KIF21B: variants seen among roughly 807,000 people sequenced by gnomAD.
The protein encoded by KIF21B is kinesin-like protein KIF21B.
In KIF21B, 85 loss-of-function variants were observed where a neutral mutation model predicts 192.9. The observed-to-expected ratio is 0.44, with a 90% CI of 0.37 to 0.53. KIF21B has a LOEUF of 0.53. Among genes scored for constraint, KIF21B ranks in the 20% least tolerant of loss-of-function variants. The pLI is 0.00. For synonymous variants in KIF21B, 832 were observed against 884.6 expected (o/e 0.94, Z 1.05); for missense variants, 1,716 against 2,194.8 (o/e 0.78, Z 4.36).
intron 28 of KIF21B, among the ~76,000 whole-genome samples, chr1:200,981,767 G>A (rs990452024): frequency 2.0e-5 from 3 of 152,154 alleles, no homozygotes; most frequent in Non-Finnish European, 4.4e-5. Flanking sequence ...GAGGTTTGGG[G>A]CTCTCTGGAA....
intron 26 of KIF21B, 64 bp from the exon 27 acceptor site, chr1:200,985,036 T>C: frequency 8.2e-7 from 1 of 1,214,670 alleles, no homozygotes; most frequent in South Asian, 1.4e-5. Flanking sequence ...CCCTACTTGG[T>C]GCTGGGCTTC....
chr1:201,023,289 G>A lies in KIF21B; in HGVS notation c.41+54C>T, dbSNP rs1046944667. On this transcript the variant is annotated intron_variant, in intron 1 of 34. Coordinates refer to ENST00000461742, the MANE Select transcript of KIF21B (RefSeq NM_001252102.2). The surrounding 1 kb of genome is among the most constrained non-coding windows in gnomAD (Gnocchi z 5.9). Reference sequence around the variant, plus strand: ...CGCGCCCCCCGCCCAAAGCCCACGCGAGACAAAGCCCGAGGCTTCTCCGCG... The same window carrying A: ...CGCGCCCCCCGCCCAAAGCCCACGCAAGACAAAGCCCGAGGCTTCTCCGCG... 14 of 1,462,508 alleles carry A rather than the reference G, an allele frequency of 9.6e-6. No individual in the cohort carries two copies. In the South Asian group the frequency reaches 1.6e-4, roughly 17 times the overall value. The allele number at this position is 1,462,508 out of a possible 1,614,324, so 90.6% of individuals were successfully genotyped here. A position where few individuals can be genotyped will look rare whatever the true frequency, so the allele number is the denominator to read the frequency against.
intron 27 of KIF21B, among the ~76,000 whole-genome samples, chr1:200,984,277 T>C (rs1326974194): frequency 2.6e-5 from 4 of 152,232 alleles, no homozygotes; most frequent in South Asian, 2.1e-4. Flanking sequence ...GGTTGTTTCA[T>C]AGCCTAATGA....
In KIF21B at chr1:200,973,228, G is replaced by A. The variant is rs1170033564; in HGVS notation, c.*293C>T. On this transcript the variant is annotated 3_prime_UTR_variant, in exon 35 of 35. Coordinates refer to ENST00000461742, the MANE Select transcript of KIF21B (RefSeq NM_001252102.2). ...GAAAGGGGCAGAGCCGGTTCAGCAG[G>A]AGACAATGTGGCCACGACTGCCAGG... 5.5e-6 allele frequency: 2 copies of A among 361,668 alleles called. No individual in the cohort carries two copies. Among genetic ancestry groups the A allele is most frequent in the Non-Finnish European group, 9.8e-6 (2 of 204,604 alleles). The allele number at this position is 361,668 out of a possible 1,614,324, so 22.4% of individuals were successfully genotyped here. A position where few individuals can be genotyped will look rare whatever the true frequency, so the allele number is the denominator to read the frequency against.
intron 1 of KIF21B, among the ~76,000 whole-genome samples, chr1:201,019,284 A>C (rs1464873532): frequency 2.0e-5 from 3 of 152,044 alleles, no homozygotes; most frequent in Non-Finnish European, 4.4e-5. Flanking sequence ...ATTCCTCAGG[A>C]ATCTACTCTG....
intron 1 of KIF21B, among the ~76,000 whole-genome samples, chr1:201,013,137 A>G (rs1658328184): frequency 6.6e-6 from 1 of 152,050 alleles, no homozygotes; most frequent in African/African-American, 2.4e-5. Context: ...CTCACTCTTT[A>G]CCACACCCTG....
In KIF21B at chr1:200,999,514, C is replaced by T. The variant is rs1490127247; in HGVS notation, c.1768-48G>A. 2.5e-6 allele frequency: 4 copies of T among 1,595,652 alleles called. No individual in the cohort carries two copies. The Admixed American group carries it at 6.8e-5, about 27-fold the overall frequency. On this transcript the variant is annotated intron_variant, in intron 12 of 34. Transcript: ENST00000461742. This position sits in a 1 kb window ranked among gnomAD's most constrained non-coding sequence, Gnocchi z 4.7. Reference sequence around the variant, plus strand: ...GTGGGCCTGGCCTCAGAGAGGGGAGCCCAGAAGCAGAGGTGCATCCCGACA... The same window carrying T: ...GTGGGCCTGGCCTCAGAGAGGGGAGTCCAGAAGCAGAGGTGCATCCCGACA...
chr1:200,991,189 G>A lies in KIF21B; in HGVS notation c.2455-40C>T, dbSNP rs1018654146. On this transcript the variant is annotated intron_variant, in intron 17 of 34. Coordinates refer to ENST00000461742, the MANE Select transcript of KIF21B (RefSeq NM_001252102.2). ...AGAAAAGAGGGAGCCGGTGAGCAGG[G>A]TGGCCTGGAGCCACACAGAAGGGCC... The A allele has an allele frequency of 1.2e-5, 18 of 1,550,918 alleles. No homozygotes were observed. The African/African-American group carries it at 2.5e-4, about 21-fold the overall frequency.
chr1:201,003,546 T>G, intron 8 of KIF21B, 40 bp downstream of exon 8: 1 of 1,605,814 alleles, frequency 6.2e-7, no homozygotes, highest in Non-Finnish European at 8.5e-7. Context: ...GAGCACTAGC[T>G]CCAAGGGGAG....
At chr1:201,009,103 C>G in intron 2 of KIF21B, 152 bp from the exon 3 acceptor site, 1 of 1,163,178 alleles carries the variant, frequency 8.6e-7, no homozygotes, top group Admixed American at 2.5e-5. Flanking sequence ...GGGGAAATCA[C>G]TGACAGCCCT....
chr1:200,977,492 T>A, intron 30 of KIF21B, 116 bp from the exon 31 acceptor site: 1 of 1,263,002 alleles, frequency 7.9e-7, no homozygotes, highest in Non-Finnish European at 1.1e-6. Context: ...CAGGAAGTCT[T>A]CCTTGACTGA....
At position 200,998,496 on chromosome 1, in the gene KIF21B, G is replaced by A. The variant is rs530596518; in HGVS notation, c.1965C>T (p.Asn655=). Reference sequence around the variant, plus strand: ...TGAGCGTCTGCAACCGCCGCTGGCTGTTCTCCAGCTCGTCGATCAGCTTCT... The same window carrying A: ...TGAGCGTCTGCAACCGCCGCTGGCTATTCTCCAGCTCGTCGATCAGCTTCT... ...IKQKLIDELE[N]SQRRLQTLKH... Residue 655 remains asparagine, a synonymous_variant, in exon 14 of 35, where the codon AAC becomes AAT. Coordinates refer to ENST00000461742, the MANE Select transcript of KIF21B (RefSeq NM_001252102.2). This position sits in a 1 kb window ranked among gnomAD's most constrained non-coding sequence, Gnocchi z 4.3. 4 of 1,614,036 alleles carry A rather than the reference G, an allele frequency of 2.5e-6. No homozygotes were observed. In the African/African-American group the frequency reaches 4.0e-5, roughly 16 times the overall value.
In KIF21B at chr1:200,979,522, G is replaced by A. The variant is rs368824902; in HGVS notation, c.4160+13C>T. 83 of 1,518,176 alleles carry A rather than the reference G, an allele frequency of 5.5e-5. No individual in the cohort carries two copies. Among genetic ancestry groups the A allele is most frequent in the South Asian group, 1.4e-4 (11 of 76,928 alleles). 94.0% of individuals were successfully genotyped at this position (1,518,176 alleles called of 1,614,324 possible). ...TGCAGCCGACCACTGTGAGGCAGGC[G>A]GGGGTTACTCACGTGAGAGTCCGAA... On this transcript the variant is annotated intron_variant, in intron 30 of 34. Coordinates refer to ENST00000461742, the MANE Select transcript of KIF21B (RefSeq NM_001252102.2).
At chr1:201,020,839 A>ACACACACACT (rs1658780266) in intron 1 of KIF21B, among the ~76,000 whole-genome samples, 1 of 151,810 alleles carries the variant, frequency 6.6e-6, no homozygotes, top group Admixed American at 6.6e-5. Flanking sequence ...ACACACACAC[A>ACACACACACT]CACAATCAGA....
At chr1:201,012,512 G>T (rs1658295708) in intron 1 of KIF21B, among the ~76,000 whole-genome samples, 1 of 152,212 alleles carries the variant, frequency 6.6e-6, no homozygotes, top group Non-Finnish European at 1.5e-5. Flanking sequence ...AGCAAGGAAG[G>T]TTGAGGCTTG....
Position 201,000,243 on chromosome 1 carries a change from TCCCAAGCAATACTGAGGCAGC to T in KIF21B, c.1685+126_1685+146del. On this transcript the variant is annotated intron_variant, in intron 11 of 34. Coordinates refer to ENST00000461742, the MANE Select transcript of KIF21B (RefSeq NM_001252102.2). The surrounding 1 kb of genome is among the most constrained non-coding windows in gnomAD (Gnocchi z 6.0). Reference sequence around the variant, plus strand: ...GGCTGAGCAAATCTGCGCCATGAATTCCCAAGCAATACTGAGGCAGCCCCTGGGGCTGGGGGCGTGGAGGTT... The same window carrying T: ...GGCTGAGCAAATCTGCGCCATGAATTCCCTGGGGCTGGGGGCGTGGAGGTT... 1.1e-6 allele frequency: 1 copy of T among 871,688 alleles called. No individual in the cohort carries two copies. Among genetic ancestry groups the T allele is most frequent in the South Asian group, 1.6e-5 (1 of 60,810 alleles). 54.0% of individuals were successfully genotyped at this position (871,688 alleles called of 1,614,324 possible). A position where few individuals can be genotyped will look rare whatever the true frequency, so the allele number is the denominator to read the frequency against.
chr1:201,019,305 C>A (rs1266805597), intron 1 of KIF21B, among the ~76,000 whole-genome samples: 1 of 152,032 alleles, frequency 6.6e-6, no homozygotes, highest in African/African-American at 2.4e-5. Flanking sequence ...CATTTTGTTC[C>A]CTCCAAAGAT....
rs143966011 is a variant in KIF21B, at chr1:200,975,634, G to T, written c.4479C>A (p.Ile1493=). Reference sequence around the variant, plus strand: ...GGGGCTCGAAGTTGTGAGTGGGGCCGATGGTGCCCGTCACACACTCGCCCA... The same window carrying T: ...GGGGCTCGAAGTTGTGAGTGGGGCCTATGGTGCCCGTCACACACTCGCCCA... ...FELGECVTGT[I]GPTHNFEPPH... Residue 1493 remains isoleucine (I), a synonymous_variant, in exon 33 of 35, where the codon ATC becomes ATA. Transcript: ENST00000461742. This position sits in a 1 kb window ranked among gnomAD's most constrained non-coding sequence, Gnocchi z 4.3. 12 of 1,613,592 alleles carry T rather than the reference G, an allele frequency of 7.4e-6. No individual in the cohort carries two copies. The South Asian group carries it at 1.3e-4, about 18-fold the overall frequency.
At position 200,988,830 on chromosome 1, in the gene KIF21B, G is replaced by A. The variant is rs147184601; in HGVS notation, c.3234C>T (p.Asp1078=). 249 of 1,613,448 alleles carry A rather than the reference G, an allele frequency of 1.5e-4. No homozygotes were observed. Among genetic ancestry groups the A allele is most frequent in the Non-Finnish European group, 2.1e-4 (242 of 1,179,808 alleles). ...AGSSQNHLLL[D]ALREKAEAHP... is the part of the protein sequence containing the mutation. ...GAGCTTCAGCCTTCTCACGCAGGGC[G>A]TCCAGGAGCAGATGGTTCTGGGAGG... The change falls in exon 22 of 35, where the codon GAC becomes GAT. Residue 1078 remains aspartate, a synonymous_variant. Coordinates refer to ENST00000461742, the MANE Select transcript of KIF21B (RefSeq NM_001252102.2).
Sources: gnomAD v4.1 joint callset for allele counts (sites outside exome capture counted in the v4.1 genomes callset) on GRCh38, gnomAD v4.1.1 for gene constraint, Gnocchi (gnomAD v3.1) non-coding constraint, MANE v1.5 for transcripts, NCBI Gene and HGNC (gene_info 2026-07-23, HGNC 2026-07-21) for gene names.